The following TAFA4 variants were observed in gnomAD, a reference collection of about 807,000 sequenced individuals.
The protein encoded by TAFA4 is TAFA chemokine like family member 4.
Under a neutral mutation model 21.1 loss-of-function variants are expected in TAFA4, and 20 were observed. The observed-to-expected ratio is 0.95, with a 90% CI of 0.67 to 1.38. The LOEUF (loss-of-function observed/expected upper bound fraction) is 1.38, where lower values mean the gene tolerates loss of function less well. Among genes scored for constraint, TAFA4 ranks in the 40% most tolerant of loss-of-function variants. TAFA4 has a pLI of 0.00. For missense variants in TAFA4, 211 were observed against 180.9 expected (o/e 1.17, Z -0.95); for synonymous variants, 71 against 67.4 (o/e 1.05, Z -0.26).
chr3:68,762,611 C>A (rs1429766687), intron 3 of TAFA4, among the ~76,000 whole-genome samples: 2 of 152,160 alleles, frequency 1.3e-5, no homozygotes, highest in Non-Finnish European at 2.9e-5. Context: ...ATAAAGTATG[C>A]CTTGCCCACA....
intron 4 of TAFA4, among the ~76,000 whole-genome samples, chr3:68,743,683 C>G (rs892713875): frequency 5.4e-4 from 82 of 152,118 alleles, no homozygotes; most frequent in African/African-American, 1.9e-3. Context: ...AGCACTTCTA[C>G]TTACTGTTCC....
chr3:68,917,753 C>CAAAAAAAAAAAAAAAAA (rs55853026), intron 1 of TAFA4, among the ~76,000 whole-genome samples: 4 of 58,184 alleles, frequency 6.9e-5, no homozygotes, highest in East Asian at 5.5e-4. Context: ...GACTCTGTCT[C>CAAAAAAAAAAAAAAAAA]AAAAAAAAAA....
chr3:68,839,619 C>G (rs1290706596), intron 3 of TAFA4, among the ~76,000 whole-genome samples: 1 of 152,202 alleles, frequency 6.6e-6, no homozygotes, highest in Non-Finnish European at 1.5e-5. Flanking sequence ...AAACGTAAAC[C>G]TGTCTCTTAA....
Position 68,885,198 on chromosome 3 carries a change from T to C in TAFA4, c.-10A>G, listed in dbSNP as rs748281975. 11 of 1,612,436 alleles carry C rather than the reference T, an allele frequency of 6.8e-6. No individual in the cohort carries two copies. Among genetic ancestry groups the C allele is most frequent in the Non-Finnish European group, 9.3e-6 (11 of 1,179,242 alleles). ...ACCTTGGGGACCTCATAAGATGTGG[T>C]TCTAGTCAAACACACTTATTCCAGG... On this transcript the variant is annotated 5_prime_UTR_variant, in exon 2 of 6. Transcript: ENST00000295569.
intron 1 of TAFA4, among the ~76,000 whole-genome samples, chr3:68,886,212 A>G (rs1354773951): frequency 1.3e-5 from 2 of 152,242 alleles, no homozygotes; most frequent in Non-Finnish European, 2.9e-5. Flanking sequence ...GATAACCCAA[A>G]GATAATTCCA....
At chr3:68,861,154 G>A (rs548123165) in intron 3 of TAFA4, among the ~76,000 whole-genome samples, 1 of 150,228 alleles carries the variant, frequency 6.7e-6, no homozygotes, top group South Asian at 2.1e-4. Context: ...TGTTGCCATT[G>A]TTTCCATTTG....
chr3:68,767,357 G>A (rs866289107), intron 3 of TAFA4, among the ~76,000 whole-genome samples: 19 of 151,722 alleles, frequency 1.3e-4, no homozygotes, highest in African/African-American at 3.4e-4. Flanking sequence ...AGAGAAAGCC[G>A]GAATAGAAAA....
intron 1 of TAFA4, among the ~76,000 whole-genome samples, chr3:68,912,537 T>A (rs1243537562): frequency 6.6e-6 from 1 of 152,244 alleles, no homozygotes; most frequent in Non-Finnish European, 1.5e-5. Flanking sequence ...CCTGCCGTGT[T>A]TTCGCAGTGT....
intron 3 of TAFA4, among the ~76,000 whole-genome samples, chr3:68,806,091 T>A (rs1005611692): frequency 6.6e-6 from 1 of 152,130 alleles, no homozygotes; most frequent in African/African-American, 2.4e-5. Context: ...TGACTTTAAG[T>A]ACCTGACAAC....
intron 3 of TAFA4, among the ~76,000 whole-genome samples, chr3:68,770,068 C>A (rs528880437): frequency 6.6e-6 from 1 of 152,196 alleles, no homozygotes; most frequent in African/African-American, 2.4e-5. Context: ...AACCTCCAAG[C>A]CAGTCAGGAA....
chr3:68,897,785 T>C (rs1208746426), intron 1 of TAFA4, among the ~76,000 whole-genome samples: 1 of 151,694 alleles, frequency 6.6e-6, no homozygotes, highest in Non-Finnish European at 1.5e-5. Flanking sequence ...GTCCTAAGAG[T>C]CTCTTCATTG....
At chr3:68,894,397 C>A (rs532367419) in intron 1 of TAFA4, among the ~76,000 whole-genome samples, 2 of 152,108 alleles carry the variant, frequency 1.3e-5, no homozygotes, top group Admixed American at 6.5e-5. Flanking sequence ...TGGGCTCAAG[C>A]GATCCTCCTG....
chr3:68,844,217 G>A (rs1704734474), intron 3 of TAFA4, among the ~76,000 whole-genome samples: 1 of 152,088 alleles, frequency 6.6e-6, no homozygotes, highest in African/African-American at 2.4e-5. Context: ...TCTATTCAGG[G>A]ATTCGACTTC....
intron 3 of TAFA4, among the ~76,000 whole-genome samples, chr3:68,764,305 C>A (rs1436137542): frequency 6.6e-6 from 1 of 151,990 alleles, no homozygotes; most frequent in Non-Finnish European, 1.5e-5. Context: ...AAGAGAGCCC[C>A]CACCAGAAAC....
At chr3:68,821,339 T>TAAGAGAAAACAAGTCC (rs1559532888) in intron 3 of TAFA4, among the ~76,000 whole-genome samples, 13 of 29,106 alleles carry the variant, frequency 4.5e-4, no homozygotes, top group African/African-American at 1.1e-3. Flanking sequence ...TTTTTTTTTT[T>TAAGAGAAAACAAGTCC]TTTTTTTTTT....
chr3:68,849,194 T>A (rs1704883426), intron 3 of TAFA4, among the ~76,000 whole-genome samples: 1 of 152,186 alleles, frequency 6.6e-6, no homozygotes. Context: ...TCCAGTAGAT[T>A]GATGTAAAAG....
chr3:68,748,389 C>T (rs1298652405), intron 4 of TAFA4, among the ~76,000 whole-genome samples: 1 of 152,174 alleles, frequency 6.6e-6, no homozygotes, highest in Non-Finnish European at 1.5e-5. Flanking sequence ...GCCCATAAAG[C>T]CATGAAACTT....
chr3:68,919,820 A>C (rs2090040919), intron 1 of TAFA4, among the ~76,000 whole-genome samples: 1 of 152,208 alleles, frequency 6.6e-6, no homozygotes, highest in South Asian at 2.1e-4. Flanking sequence ...TCTGAATTCC[A>C]AGAGAACATA....
intron 3 of TAFA4, among the ~76,000 whole-genome samples, chr3:68,863,522 T>C (rs1388539282): frequency 6.6e-6 from 1 of 152,176 alleles, no homozygotes; most frequent in Non-Finnish European, 1.5e-5. Context: ...CCATCCCTAA[T>C]AGTCCAAAGT....
Sources: gnomAD v4.1 joint callset for allele counts (sites outside exome capture counted in the v4.1 genomes callset) on GRCh38, gnomAD v4.1.1 for gene constraint, MANE v1.5 for transcripts, NCBI Gene and HGNC (gene_info 2026-07-23, HGNC 2026-07-21) for gene names.